Variants in EPB41L3 observed in about 807,000 individuals in gnomAD.
EPB41L3 encodes the protein band 4.1-like protein 3.
In EPB41L3, 57 loss-of-function variants were observed where a neutral mutation model predicts 127.1. The observed-to-expected ratio is 0.45, with a 90% confidence interval of 0.36 to 0.56. The LOEUF (loss-of-function observed/expected upper bound fraction) is 0.56. Among genes scored for constraint, EPB41L3 ranks in the 20% least tolerant of loss-of-function variants. The pLI, the probability that EPB41L3 is intolerant of heterozygous loss-of-function variation, is 0.00. For synonymous variants in EPB41L3, 572 were observed against 549.5 expected (o/e 1.04, Z -0.57); for missense variants, 1,273 against 1,372.2 (o/e 0.93, Z 1.14).
rs2143463356 is a variant in EPB41L3 at position 5,392,618 on chromosome 18, G to A, written c.*867C>T. 1 of 152,480 alleles carries A rather than the reference G, an allele frequency of 6.6e-6. No homozygotes were observed. Among genetic ancestry groups the A allele is most frequent in the South Asian group, 2.1e-4 (1 of 4,816 alleles). The allele number at this position is 152,480 out of a possible 1,614,324, so 9.4% of individuals were successfully genotyped here. On this transcript the variant is annotated 3_prime_UTR_variant, in exon 23 of 23. Coordinates refer to ENST00000341928, the MANE Select transcript of EPB41L3 (RefSeq NM_012307.5). The stretch of plus-strand genomic sequence containing the variant: ...AACACTTTCTTTTCAAGTAAAAGAA[G>A]AAAAATCAATTAAAAAATACACGGC...
At chr18:5,453,035 CT>C (rs2082509009) in intron 3 of EPB41L3, among the ~76,000 whole-genome samples, 1 of 152,180 alleles carries the variant, frequency 6.6e-6, no homozygotes. Flanking sequence ...GCACAGCTTT[CT>C]CCAAAATGGG....
At chr18:5,530,990 G>C (rs1047981294) in intron 1 of EPB41L3, among the ~76,000 whole-genome samples, 1 of 152,198 alleles carries the variant, frequency 6.6e-6, no homozygotes, top group African/African-American at 2.4e-5. Flanking sequence ...ACAGGCTGCA[G>C]AGCAGAGCAT....
rs141124371 is a variant in EPB41L3, at chr18:5,431,617, C to G, written c.912+1852G>C. Reference sequence around the variant, plus strand: ...ACTGATACATCCTGAGGTGCACTTCCTGAAATGCATATCCTAATCTTTTAT... The same window carrying G: ...ACTGATACATCCTGAGGTGCACTTCGTGAAATGCATATCCTAATCTTTTAT... On this transcript the variant is annotated intron_variant, in intron 8 of 22. Coordinates refer to ENST00000341928, the MANE Select transcript of EPB41L3 (RefSeq NM_012307.5). Among the ~76,000 whole-genome samples the G allele has an allele frequency of 4.1e-3, 619 of 152,260 alleles. 1 individual carries two copies. Among genetic ancestry groups the G allele is most frequent in the Middle Eastern group, 6.8e-3 (2 of 292 alleles).
intron 5 of EPB41L3, among the ~76,000 whole-genome samples, chr18:5,443,105 T>C (rs1419659009): frequency 1.4e-4 from 21 of 152,298 alleles, no homozygotes; most frequent in Non-Finnish European, 5.9e-5. Context: ...TCCTCATTAA[T>C]AGATATGCTG....
In EPB41L3 at chr18:5,428,456, C is replaced by T. The variant is rs754909102; in HGVS notation, c.922G>A (p.Gly308Arg). The change falls in exon 9 of 23, where the codon GGG (glycine) becomes AGG (arginine). Residue 308 changes from glycine (G) to arginine (R), a missense_variant. Coordinates refer to ENST00000341928, the MANE Select transcript of EPB41L3 (RefSeq NM_012307.5). ...VDLHHAKDSE[G>R]VEIMLGVCAS... is the part of the protein sequence containing the mutation. Reference sequence around the variant, plus strand: ...CAAACTCCTAACATAATTTCTACCCCTTCTGAGTCCTGGAAAATAAAAGCA... The same window carrying T: ...CAAACTCCTAACATAATTTCTACCCTTTCTGAGTCCTGGAAAATAAAAGCA... 7 of 1,614,066 alleles carry T rather than the reference C, an allele frequency of 4.3e-6. No individual in the cohort carries two copies. Among genetic ancestry groups the T allele is most frequent in the Non-Finnish European group, 5.9e-6 (7 of 1,180,040 alleles).
chr18:5,587,657 C>T (rs1156264275), intron 3 of EPB41L3, among the ~76,000 whole-genome samples: 3 of 152,252 alleles, frequency 2.0e-5, no homozygotes, highest in East Asian at 1.9e-4. Context: ...TCTTGCCCTT[C>T]ATGCTTCTGT....
chr18:5,442,097 A>T (rs572549606), intron 5 of EPB41L3, among the ~76,000 whole-genome samples: 25 of 152,228 alleles, frequency 1.6e-4, no homozygotes, highest in Admixed American at 3.9e-4. Context: ...TCAGCTCAGT[A>T]TTCCATTAAT....
In EPB41L3 at chr18:5,475,181, C is replaced by A. The variant is rs1206881765; in HGVS notation, c.381+3060G>T. 3.9e-5 allele frequency among the ~76,000 whole-genome samples: 6 copies of A among 152,096 alleles called. No individual in the cohort carries two copies. The South Asian group carries it at 1.0e-3, about 26-fold the overall frequency. On this transcript the variant is annotated intron_variant, in intron 3 of 22. Transcript: ENST00000341928. ...TCCTATAATTCTCGCTGAATATGCT[C>A]AAGTCAAAGTCCATTGTTCGTATTA...
chr18:5,611,952 C>G (rs960441906), intron 3 of EPB41L3, among the ~76,000 whole-genome samples: 2 of 152,044 alleles, frequency 1.3e-5, no homozygotes, highest in African/African-American at 4.8e-5. Flanking sequence ...AAGAAAAAGC[C>G]TGTATCTAAA....
intron 3 of EPB41L3, among the ~76,000 whole-genome samples, chr18:5,612,103 A>G (rs1306433056): frequency 6.6e-6 from 1 of 151,966 alleles, no homozygotes; most frequent in Non-Finnish European, 1.5e-5. Flanking sequence ...AAAAAAAAAA[A>G]CCACTACTAT....
intron 3 of EPB41L3, among the ~76,000 whole-genome samples, chr18:5,452,076 C>T (rs1420084447): frequency 6.6e-6 from 1 of 152,082 alleles, no homozygotes; most frequent in Non-Finnish European, 1.5e-5. Flanking sequence ...ACTCCCTGAC[C>T]TCAAGTGATC....
At chr18:5,461,887 C>T (rs2084061645) in intron 3 of EPB41L3, among the ~76,000 whole-genome samples, 1 of 152,096 alleles carries the variant, frequency 6.6e-6, no homozygotes, top group African/African-American at 2.4e-5. Flanking sequence ...GGTGCATTGG[C>T]TGGTCGATAA....
intron 16 of EPB41L3, among the ~76,000 whole-genome samples, 190 bp downstream of exon 16, chr18:5,406,583 TACTC>T (rs2143878296): frequency 6.6e-6 from 1 of 152,352 alleles, no homozygotes; most frequent in Admixed American, 6.5e-5. Flanking sequence ...CTGATGCTAT[TACTC>T]ACTCCTCAGC....
At chr18:5,457,769 A>G (rs1346022890) in intron 3 of EPB41L3, among the ~76,000 whole-genome samples, 1 of 151,968 alleles carries the variant, frequency 6.6e-6, no homozygotes, top group Non-Finnish European at 1.5e-5. Context: ...GACTGTACAC[A>G]CACCTCCACG....
chr18:5,469,643 C>T (rs986083991), intron 3 of EPB41L3, among the ~76,000 whole-genome samples: 2 of 152,162 alleles, frequency 1.3e-5, no homozygotes, highest in East Asian at 1.9e-4. Context: ...CAAGCATAGG[C>T]GCCACCCGCC....
upstream of EPB41L3, among the ~76,000 whole-genome samples, chr18:5,545,889 G>A (rs2093873221): frequency 1.4e-5 from 2 of 147,358 alleles, no homozygotes; most frequent in Admixed American, 6.6e-5. Context: ...GTGTGTGTGT[G>A]TGTGTGTGTG....
intron 1 of EPB41L3, among the ~76,000 whole-genome samples, chr18:5,616,156 G>A (rs776260686): frequency 6.6e-6 from 1 of 151,944 alleles, no homozygotes. Context: ...CCCAAATTCA[G>A]CTGTTACCCC....
intron 1 of EPB41L3, among the ~76,000 whole-genome samples, chr18:5,490,269 C>T (rs556330868): frequency 3.9e-5 from 6 of 152,118 alleles, no homozygotes; most frequent in Non-Finnish European, 7.4e-5. Context: ...TATTGTCATA[C>T]AATTTCCCTT....
In EPB41L3 at chr18:5,468,847, T is replaced by TG. The variant is rs1290907026; in HGVS notation, c.381+9393dup. Among the ~76,000 whole-genome samples, 3 of 151,444 alleles carry TG rather than the reference T, an allele frequency of 2.0e-5. No individual in the cohort carries two copies. In the East Asian group the frequency reaches 5.8e-4, roughly 29 times the overall value. ...AGGAGAATCGCTTGAACCTGGGAGGTGGAGATTTCAGTGAGCTGAGATCAT... is the reference window on the plus strand; with the variant it reads ...AGGAGAATCGCTTGAACCTGGGAGGTGGGAGATTTCAGTGAGCTGAGATCAT... On this transcript the variant is annotated intron_variant, in intron 3 of 22. Transcript: ENST00000341928.
Sources: allele counts gnomAD v4.1 joint callset (sites outside exome capture counted in the v4.1 genomes callset), GRCh38; gene constraint gnomAD v4.1.1; transcripts MANE v1.5; gene names NCBI Gene and HGNC (gene_info 2026-07-23, HGNC 2026-07-21).